Variants in AFAP1 observed in about 807,000 individuals in gnomAD.
AFAP1 encodes the protein actin filament associated protein 1, also known as actin filament-associated protein 1.
Under a neutral mutation model 93.9 loss-of-function variants are expected in AFAP1, and 75 were observed. That is an observed-to-expected ratio of 0.80 (90% CI 0.66 to 0.97). The LOEUF is 0.97. Among genes scored for constraint, AFAP1 ranks in the 50% least tolerant of loss-of-function variants. AFAP1 has a pLI of 0.00. For synonymous variants in AFAP1, 517 were observed against 430.7 expected, an observed-to-expected ratio of 1.20 and a Z score of -2.48; for missense variants, 1,201 against 1,050.8, an observed-to-expected ratio of 1.14 and a Z score of -1.98.
chr4:7,826,740 C>A (rs559315551), intron 6 of AFAP1, among the ~76,000 whole-genome samples: 3 of 152,292 alleles, frequency 2.0e-5, no homozygotes, highest in East Asian at 3.9e-4. Context: ...GCTGCAACAA[C>A]GTGCAGCCCC....
chr4:7,880,553 C>A (rs539960526), intron 1 of AFAP1, among the ~76,000 whole-genome samples: 5 of 152,326 alleles, frequency 3.3e-5, no homozygotes, highest in Admixed American at 3.3e-4. Context: ...GCTGGGATTA[C>A]AGGCGTGAGC....
intron 1 of AFAP1, among the ~76,000 whole-genome samples, chr4:7,910,645 C>T (rs1316278368): frequency 6.6e-6 from 1 of 152,210 alleles, no homozygotes; most frequent in Non-Finnish European, 1.5e-5. Flanking sequence ...ATCCCTCTCT[C>T]CCCCGTTCAC....
intron 1 of AFAP1, among the ~76,000 whole-genome samples, chr4:7,914,946 A>G (rs1159040755): frequency 6.6e-6 from 1 of 151,948 alleles, no homozygotes. Context: ...ATGCGGTTTT[A>G]CCACGTTGGC....
chr4:7,793,251 G>C (rs530425298), intron 11 of AFAP1, among the ~76,000 whole-genome samples: 12 of 152,168 alleles, frequency 7.9e-5, no homozygotes, highest in African/African-American at 2.4e-4. Context: ...GCAATATGTA[G>C]AATCATTTCT....
intron 1 of AFAP1, among the ~76,000 whole-genome samples, chr4:7,896,507 A>G (rs1473535851): frequency 6.6e-6 from 1 of 151,774 alleles, no homozygotes; most frequent in African/African-American, 2.4e-5. Flanking sequence ...CCTGTTGCCA[A>G]GTCCAGCTAT....
At chr4:7,807,797 C>CT (rs1315855741) in intron 9 of AFAP1, among the ~76,000 whole-genome samples, 1 of 152,212 alleles carries the variant, frequency 6.6e-6, no homozygotes, top group Non-Finnish European at 1.5e-5. Context: ...GGAGCTGAGA[C>CT]TTTGCCTGTC....
rs1448493433 is a variant in AFAP1 at position 7,939,397 on chromosome 4, G to A, written c.-3+259C>T. On this transcript the variant is annotated intron_variant, in intron 1 of 17. Transcript: ENST00000420658. This position sits in a 1 kb window ranked among gnomAD's most constrained non-coding sequence, Gnocchi z 5.6. ...GGCACCGGGCAGGAGCCAGCGCCCG[G>A]GTCCACGCAGTCCCCTCCGGGCAGA... 3.1e-6 allele frequency: 1 copy of A among 323,036 alleles called. No homozygotes were observed. The highest frequency in any genetic ancestry group is 2.3e-5 in the South Asian group (1 of 44,108). 20.0% of individuals were successfully genotyped at this position (323,036 alleles called of 1,614,324 possible).
intron 4 of AFAP1, among the ~76,000 whole-genome samples, chr4:7,845,374 A>C (rs528972386): frequency 0.014 from 2,163 of 152,198 alleles, 29 homozygotes; most frequent in Non-Finnish European, 0.024. Context: ...GTGAGCTGTG[A>C]TCCTGCCACT....
At chr4:7,801,798 T>G (rs1719056170) in intron 9 of AFAP1, among the ~76,000 whole-genome samples, 1 of 151,748 alleles carries the variant, frequency 6.6e-6, no homozygotes, top group African/African-American at 2.4e-5. Flanking sequence ...AATTCTGATT[T>G]TTCAGATTCC....
intron 1 of AFAP1, among the ~76,000 whole-genome samples, chr4:7,912,291 G>A (rs1448433098): frequency 1.3e-5 from 2 of 152,190 alleles, no homozygotes; most frequent in Non-Finnish European, 2.9e-5. Flanking sequence ...TGAAGGTTAA[G>A]TCTTCATTTC....
At chr4:7,857,222 A>T (rs1432150741) in intron 3 of AFAP1, among the ~76,000 whole-genome samples, 1 of 152,160 alleles carries the variant, frequency 6.6e-6, no homozygotes, top group Non-Finnish European at 1.5e-5. Context: ...GGTTCTATTG[A>T]AAGTATGGGG....
At chr4:7,873,432 T>C (rs1717241346) in intron 1 of AFAP1, among the ~76,000 whole-genome samples, 4 of 117,762 alleles carry the variant, frequency 3.4e-5, no homozygotes. Context: ...CACTGAAAGC[T>C]CCGCCTCCTG....
intron 3 of AFAP1, among the ~76,000 whole-genome samples, chr4:7,859,536 C>G (rs1438404396): frequency 1.3e-5 from 2 of 152,126 alleles, no homozygotes; most frequent in African/African-American, 2.4e-5. Context: ...CTGCTGTGAC[C>G]TAGAAATAAG....
At chr4:7,888,156 T>C (rs553448817) in intron 1 of AFAP1, among the ~76,000 whole-genome samples, 1 of 152,366 alleles carries the variant, frequency 6.6e-6, no homozygotes, top group East Asian at 1.9e-4. Flanking sequence ...ATTTCAGGAA[T>C]GCTTTGTTTC....
Position 7,843,235 on chromosome 4 carries a change from C to T in AFAP1, c.450G>A (p.Leu150=), listed in dbSNP as rs1713271696. 1 of 1,614,192 alleles carries T rather than the reference C, an allele frequency of 6.2e-7. No homozygotes were observed. The highest frequency in any genetic ancestry group is 8.5e-7 in the Non-Finnish European group (1 of 1,180,036). ...QWPSEEASMD[L]VKDAKICAFL... is the part of the protein sequence containing the mutation. ...AGGCGCAGATTTTGGCGTCCTTGAC[C>T]AGGTCCATGGAGGCCTCCTCGGAGG... Residue 150 remains leucine (L), a synonymous_variant, in exon 5 of 18, where the codon CTG becomes CTA. Coordinates refer to ENST00000420658, the MANE Select transcript of AFAP1 (RefSeq NM_001134647.2).
rs376932810 is a variant in AFAP1, at chr4:7,768,806, C to A, written c.2418+38G>T. On this transcript the variant is annotated intron_variant, in intron 17 of 17. Coordinates refer to ENST00000420658, the MANE Select transcript of AFAP1 (RefSeq NM_001134647.2). ...GAATGCTGGGAGCTTAAAGTGCCTG[C>A]CCAGGACACCCAGACACCCCCGGAC... 4 of 1,526,826 alleles carry A rather than the reference C, an allele frequency of 2.6e-6. No homozygotes were observed. In the African/African-American group the frequency reaches 4.2e-5, roughly 16 times the overall value. 94.6% of individuals were successfully genotyped at this position (1,526,826 alleles called of 1,614,324 possible).
chr4:7,899,884 A>ATAAATAAATAAATAAATAAATAAAT (rs1553853500), intron 1 of AFAP1, among the ~76,000 whole-genome samples: 6 of 151,446 alleles, frequency 4.0e-5, no homozygotes, highest in East Asian at 1.9e-4. Context: ...AAATAAATAA[A>ATAAATAAATAAATAAATAAATAAAT]AAAGGAAGGG....
chr4:7,767,932 T>C (rs2148947472), intron 17 of AFAP1, among the ~76,000 whole-genome samples: 1 of 152,322 alleles, frequency 6.6e-6, no homozygotes, highest in South Asian at 2.1e-4. Context: ...GTAAGTTAGC[T>C]GGGCATAATG....
At chr4:7,772,678 A>C in intron 16 of AFAP1, 142 bp downstream of exon 16, 1 of 720,526 alleles carries the variant, frequency 1.4e-6, no homozygotes, top group South Asian at 1.9e-5. Flanking sequence ...TGATGCTAAC[A>C]CATGAACTGT....
Sources: allele counts gnomAD v4.1 joint callset (sites outside exome capture counted in the v4.1 genomes callset), GRCh38; gene constraint gnomAD v4.1.1; non-coding constraint Gnocchi (gnomAD v3.1); transcripts MANE v1.5; gene names NCBI Gene and HGNC (gene_info 2026-07-23, HGNC 2026-07-21).